Variants in KCNQ1OT1 observed in about 807,000 individuals in gnomAD.
KCNQ1OT1 encodes KCNQ1 opposite strand/antisense transcript 1, also known as KCNQ1 antisense RNA 2 (non-protein coding).
exon 1 of KCNQ1OT1, chr11:2,662,371 T>C (rs1366717333): frequency 1.8e-6 from 1 of 544,808 alleles, no homozygotes; most frequent in Non-Finnish European, 3.2e-6. Context: ...TGTTTTTCTC[T>C]CCCCCAGCCC....
At chr11:2,619,325 A>G (rs1849124899) in exon 1 of KCNQ1OT1, 2 of 398,394 alleles carry the variant, frequency 5.0e-6, no homozygotes, top group Admixed American at 4.4e-5. Context: ...CATAAATGGC[A>G]TTCGTTATAT....
chr11:2,612,282 G>A lies in KCNQ1OT1; in HGVS notation n.87713C>T, dbSNP rs889168238. Reference sequence around the variant, plus strand: ...CCTATTGTGAACTGAGCATGTGAGGGATCTAGGTTGTGCACTCCGTATGAG... The same window carrying A: ...CCTATTGTGAACTGAGCATGTGAGGAATCTAGGTTGTGCACTCCGTATGAG... On this transcript the variant is annotated non_coding_transcript_exon_variant, in exon 1 of 1. Coordinates refer to ENST00000597346, the Ensembl canonical transcript of KCNQ1OT1. The surrounding 1 kb of genome is among the most constrained non-coding windows in gnomAD (Gnocchi z 5.5). 3.3e-5 allele frequency: 13 copies of A among 398,462 alleles called. No individual in the cohort carries two copies. Among genetic ancestry groups the A allele is most frequent in the African/African-American group, 1.6e-4 (8 of 48,598 alleles). The allele number at this position is 398,462 out of a possible 1,614,324, so 24.7% of individuals were successfully genotyped here.
rs1268428913 is a variant in KCNQ1OT1, at chr11:2,683,724, T to C, written n.16271A>G. 1.8e-5 allele frequency: 7 copies of C among 398,478 alleles called. No individual in the cohort carries two copies. The highest frequency in any genetic ancestry group is 3.1e-5 in the Non-Finnish European group (7 of 226,070). The allele number at this position is 398,478 out of a possible 1,614,324, so 24.7% of individuals were successfully genotyped here. ...TCAGGCCTTTCCTTACTCCCTCTGG[T>C]TACCTAGCTTTAGCTCTGAGGCAGC... On this transcript the variant is annotated non_coding_transcript_exon_variant, in exon 1 of 1. Coordinates refer to ENST00000597346, the Ensembl canonical transcript of KCNQ1OT1. The surrounding 1 kb of genome is among the most constrained non-coding windows in gnomAD (Gnocchi z 4.7).
rs1043003635 is a variant in KCNQ1OT1 at position 2,645,594 on chromosome 11, C to T, written n.54401G>A. 14 of 398,588 alleles carry T rather than the reference C, an allele frequency of 3.5e-5. No individual in the cohort carries two copies. Among genetic ancestry groups the T allele is most frequent in the South Asian group, 1.3e-4 (1 of 7,864 alleles). The allele number at this position is 398,588 out of a possible 1,614,324, so 24.7% of individuals were successfully genotyped here. A position where few individuals can be genotyped will look rare whatever the true frequency, so the allele number is the denominator to read the frequency against. On this transcript the variant is annotated non_coding_transcript_exon_variant, in exon 1 of 1. Coordinates refer to ENST00000597346, the Ensembl canonical transcript of KCNQ1OT1. The surrounding 1 kb of genome is among the most constrained non-coding windows in gnomAD (Gnocchi z 5.8). ...ACAGGCAGTTGGGCAATGCATGCTT[C>T]GGCCCCAGGTGGTGACTATGGGCAG...
chr11:2,648,901 A>G (rs1485386685), exon 1 of KCNQ1OT1: 2 of 397,980 alleles, frequency 5.0e-6, no homozygotes. Context: ...TGTTGGTTGC[A>G]TATATAATTG....
At chr11:2,675,664 G>C (rs992069637) in exon 1 of KCNQ1OT1, 3 of 398,674 alleles carry the variant, frequency 7.5e-6, no homozygotes, top group Admixed American at 8.8e-5. Flanking sequence ...AGCCCGCCCA[G>C]GGCCTGCCCT....
exon 1 of KCNQ1OT1, chr11:2,692,931 C>T (rs1449698107): frequency 5.0e-6 from 2 of 398,678 alleles, no homozygotes; most frequent in Non-Finnish European, 4.4e-6. Context: ...ATGTCCCAAG[C>T]AGGTTGTCCT....
exon 1 of KCNQ1OT1, chr11:2,643,587 T>G (rs1024940148): frequency 7.5e-6 from 3 of 398,438 alleles, no homozygotes; most frequent in Non-Finnish European, 1.3e-5. Context: ...AGATGGGTCA[T>G]GTTTTTAAGT....
At chr11:2,666,030 G>A in exon 1 of KCNQ1OT1, 1 of 398,680 alleles carries the variant, frequency 2.5e-6, no homozygotes, top group Non-Finnish European at 4.4e-6. Flanking sequence ...GTTGCACATG[G>A]ATACCTGAGA....
exon 1 of KCNQ1OT1, chr11:2,648,729 A>G (rs1025107161): frequency 1.5e-5 from 6 of 398,392 alleles, no homozygotes; most frequent in South Asian, 2.5e-4. Flanking sequence ...TGTGCTAACG[A>G]AGCAGCAGTT....
In KCNQ1OT1 at chr11:2,627,844, G is replaced by A. The variant is rs1849286399; in HGVS notation, n.72151C>T. The A allele has an allele frequency of 7.5e-6, 3 of 398,488 alleles. No homozygotes were observed. The highest frequency in any genetic ancestry group is 1.3e-5 in the Non-Finnish European group (3 of 226,132). The allele number at this position is 398,488 out of a possible 1,614,324, so 24.7% of individuals were successfully genotyped here. ...CAGTTCACTGTAGCCTCAACCTCATGGGCTCAAGTGATCCTCCTGCCTCAG... is the reference window on the plus strand; with the variant it reads ...CAGTTCACTGTAGCCTCAACCTCATAGGCTCAAGTGATCCTCCTGCCTCAG... On this transcript the variant is annotated non_coding_transcript_exon_variant, in exon 1 of 1. Coordinates refer to ENST00000597346, the Ensembl canonical transcript of KCNQ1OT1. This position sits in a 1 kb window ranked among gnomAD's most constrained non-coding sequence, Gnocchi z 4.9.
chr11:2,697,919 T>C, exon 1 of KCNQ1OT1: 1 of 398,666 alleles, frequency 2.5e-6, no homozygotes, highest in Middle Eastern at 6.3e-4. Flanking sequence ...AGACCCACTT[T>C]TCTCCTCAGC....
exon 1 of KCNQ1OT1, chr11:2,619,072 T>G: frequency 2.5e-6 from 1 of 398,528 alleles, no homozygotes; most frequent in Non-Finnish European, 4.4e-6. Flanking sequence ...ACAGGTTGCT[T>G]TGTCAGAGTC....
rs551038739 is a variant in KCNQ1OT1 at position 2,644,473 on chromosome 11, C to T, written n.55522G>A. ...TTGGGCAAATTTCTCATTCATACCC[C>T]GAATTGTTTTTTCTGATTTCTTTGT... is the stretch of plus-strand genomic sequence containing the variant. On this transcript the variant is annotated non_coding_transcript_exon_variant, in exon 1 of 1. Transcript: ENST00000597346. 13 of 398,256 alleles carry T rather than the reference C, an allele frequency of 3.3e-5. No homozygotes were observed. In the Admixed American group the frequency reaches 4.0e-4, roughly 12 times the overall value. 24.7% of individuals were successfully genotyped at this position (398,256 alleles called of 1,614,324 possible). A position where few individuals can be genotyped will look rare whatever the true frequency, so the allele number is the denominator to read the frequency against.
chr11:2,665,896 T>G (rs1000295038), exon 1 of KCNQ1OT1: 1 of 398,702 alleles, frequency 2.5e-6, no homozygotes, highest in Non-Finnish European at 4.4e-6. Flanking sequence ...AGGTGTGGCC[T>G]GGGTGAGCTT....
Position 2,683,174 on chromosome 11 carries a change from A to C in KCNQ1OT1, n.16821T>G, listed in dbSNP as rs1334476240. 1 of 398,556 alleles carries C rather than the reference A, an allele frequency of 2.5e-6. No homozygotes were observed. Among genetic ancestry groups the C allele is most frequent in the Non-Finnish European group, 4.4e-6 (1 of 226,090 alleles). 24.7% of individuals were successfully genotyped at this position (398,556 alleles called of 1,614,324 possible). On this transcript the variant is annotated non_coding_transcript_exon_variant, in exon 1 of 1. Coordinates refer to ENST00000597346, the Ensembl canonical transcript of KCNQ1OT1. The surrounding 1 kb of genome is among the most constrained non-coding windows in gnomAD (Gnocchi z 4.7). The stretch of plus-strand genomic sequence containing the variant: ...ATTAGGAATGGGTATTAGCATCTGC[A>C]TTAAAAGGCTCCCACTGACAGCTCA...
At position 2,657,358 on chromosome 11, in the gene KCNQ1OT1, C is replaced by T; in HGVS notation, n.42637G>A. On this transcript the variant is annotated non_coding_transcript_exon_variant, in exon 1 of 1. Coordinates refer to ENST00000597346, the Ensembl canonical transcript of KCNQ1OT1. This position sits in a 1 kb window ranked among gnomAD's most constrained non-coding sequence, Gnocchi z 4.8. Reference sequence around the variant, plus strand: ...GTCATTGGAATGAAGGCATATTTCTCCATTTATATCTTCTTCATTGTCTCT... The same window carrying T: ...GTCATTGGAATGAAGGCATATTTCTTCATTTATATCTTCTTCATTGTCTCT... 2.5e-6 allele frequency: 1 copy of T among 398,586 alleles called. No homozygotes were observed. Among genetic ancestry groups the T allele is most frequent in the Non-Finnish European group, 4.4e-6 (1 of 226,050 alleles). The allele number at this position is 398,586 out of a possible 1,614,324, so 24.7% of individuals were successfully genotyped here.
In KCNQ1OT1 at chr11:2,677,248, A is replaced by G; in HGVS notation, n.22747T>C. The G allele has an allele frequency of 2.5e-6, 1 of 397,368 alleles. No homozygotes were observed. 24.6% of individuals were successfully genotyped at this position (397,368 alleles called of 1,614,324 possible). ...AGACAATATAAAGCACACACAAAGT[A>G]AAGAGGAACTTATAAAGAGGAACTG... On this transcript the variant is annotated non_coding_transcript_exon_variant, in exon 1 of 1. Transcript: ENST00000597346. This position sits in a 1 kb window ranked among gnomAD's most constrained non-coding sequence, Gnocchi z 4.5.
rs1849385045 is a variant in KCNQ1OT1, at chr11:2,632,909, A to G, written n.67086T>C. On this transcript the variant is annotated non_coding_transcript_exon_variant, in exon 1 of 1. Transcript: ENST00000597346. Reference sequence around the variant, plus strand: ...ATGCAAATATCTTTTTTATATACTGATTTCCTTTCCTTTGAGTCAATACCC... The same window carrying G: ...ATGCAAATATCTTTTTTATATACTGGTTTCCTTTCCTTTGAGTCAATACCC... 7 of 398,416 alleles carry G rather than the reference A, an allele frequency of 1.8e-5. No individual in the cohort carries two copies. The East Asian group carries it at 2.1e-4, about 12-fold the overall frequency. The allele number at this position is 398,416 out of a possible 1,614,324, so 24.7% of individuals were successfully genotyped here. A position where few individuals can be genotyped will look rare whatever the true frequency, so the allele number is the denominator to read the frequency against.
Sources: gnomAD v4.1 joint callset for allele counts on GRCh38, gnomAD v4.1.1 for gene constraint, Gnocchi (gnomAD v3.1) non-coding constraint, MANE v1.5 for transcripts, NCBI Gene and HGNC (gene_info 2026-07-23, HGNC 2026-07-21) for gene names.